The following MEIS1 variants were observed in gnomAD, a reference collection of about 807,000 sequenced individuals.
The protein encoded by MEIS1 is homeobox protein Meis1.
A neutral mutation model predicts 50.8 loss-of-function variants in MEIS1; 5 were observed. The ratio of observed to expected loss-of-function variants is 0.10; its 90% CI spans 0.05 to 0.21. The LOEUF (loss-of-function observed/expected upper bound fraction) is 0.21, where lower values mean the gene tolerates loss of function less well. MEIS1 is among the 10% of genes least tolerant of loss of function. MEIS1 has a pLI of 1.00. For synonymous variants in MEIS1, 176 were observed against 179.3 expected (o/e 0.98, Z 0.15); for missense variants, 318 against 517.3 (o/e 0.61, Z 3.74).
chr2:66,472,144 A>T (rs1672776224), intron 7 of MEIS1, among the ~76,000 whole-genome samples: 2 of 152,222 alleles, frequency 1.3e-5, no homozygotes, highest in South Asian at 2.1e-4. Context: ...TTCCAGGGCC[A>T]CCACACACAG....
At chr2:66,486,516 T>C (rs1480763830) in intron 7 of MEIS1, among the ~76,000 whole-genome samples, 3 of 152,238 alleles carry the variant, frequency 2.0e-5, no homozygotes, top group African/African-American at 7.2e-5. Context: ...TAGCATAGTT[T>C]GAAGTCAGGT....
intron 9 of MEIS1, among the ~76,000 whole-genome samples, chr2:66,552,583 T>C (rs1674947642): frequency 6.6e-6 from 1 of 152,224 alleles, no homozygotes; most frequent in African/African-American, 2.4e-5. Context: ...CATTTATTGC[T>C]TTCAAAGCTG....
chr2:66,568,686 T>C lies in MEIS1; in HGVS notation c.1044T>C (p.Tyr348=), dbSNP rs186035658. The stretch of plus-strand genomic sequence containing the variant: ...TTGTAGTAAGTCAAGGAACACCTTA[T>C]AATCCTGATGGACAGCCCATGGGAG... ...SNRAVSQGTP[Y]NPDGQPMGGF... Residue 348 remains tyrosine, a synonymous_variant, in exon 11 of 13, where the codon TAT becomes TAC. Transcript: ENST00000272369. 17 of 1,613,772 alleles carry C rather than the reference T, an allele frequency of 1.1e-5. 1 individual carries two copies. In the African/African-American group the frequency reaches 1.3e-4, roughly 13 times the overall value.
intron 7 of MEIS1, 107 bp downstream of exon 7, chr2:66,464,327 C>A (rs1672587134): frequency 2.3e-6 from 2 of 857,690 alleles, no homozygotes; most frequent in Non-Finnish European, 3.8e-6. Flanking sequence ...AGAAGATAAA[C>A]CCCCTTTAAC....
At chr2:66,522,767 T>C (rs1294723457) in intron 8 of MEIS1, among the ~76,000 whole-genome samples, 1 of 152,080 alleles carries the variant, frequency 6.6e-6, no homozygotes, top group Non-Finnish European at 1.5e-5. Context: ...GAGAAAAAAA[T>C]AGATTATTAC....
intron 8 of MEIS1, among the ~76,000 whole-genome samples, chr2:66,543,002 CT>C (rs1197283365): frequency 1.3e-5 from 2 of 152,174 alleles, no homozygotes; most frequent in African/African-American, 2.4e-5. Context: ...AATAAACACA[CT>C]TTCTTTCAAT....
intron 1 of MEIS1, chr2:66,437,069 A>G (rs1050414584): frequency 3.7e-6 from 2 of 533,842 alleles, no homozygotes; most frequent in Admixed American, 6.4e-5. Flanking sequence ...GAATTGCCCA[A>G]TTCTAAATTC....
At chr2:66,570,632 A>G (rs1243399054) in intron 12 of MEIS1, 1 of 152,276 alleles carries the variant, frequency 6.6e-6, no homozygotes, top group African/African-American at 2.4e-5. Context: ...GTCAGTTTCC[A>G]TCAACTATAG....
chr2:66,484,563 A>G (rs563545223), intron 7 of MEIS1, among the ~76,000 whole-genome samples: 2 of 151,100 alleles, frequency 1.3e-5, no homozygotes, highest in East Asian at 2.0e-4. Context: ...TCTTTTATTT[A>G]TTTATTTTTT....
chr2:66,520,488 A>C (rs1052286105), intron 8 of MEIS1, among the ~76,000 whole-genome samples: 4 of 152,026 alleles, frequency 2.6e-5, no homozygotes, highest in Admixed American at 2.6e-4. Context: ...CTCAAAAAAA[A>C]AAAGAAAAGC....
chr2:66,528,284 C>T lies in MEIS1; in HGVS notation c.888+15990C>T, dbSNP rs575182358. Among the ~76,000 whole-genome samples the T allele has an allele frequency of 4.4e-4, 67 of 152,182 alleles. 1 individual carries two copies. The South Asian group carries it at 8.3e-3, about 19-fold the overall frequency. On this transcript the variant is annotated intron_variant, in intron 8 of 12. Coordinates refer to ENST00000272369, the MANE Select transcript of MEIS1 (RefSeq NM_002398.3). The stretch of plus-strand genomic sequence containing the variant: ...GAGGAAAAACCTAGAGAAGGAGAGA[C>T]GAACAGACAGACAGGTCTCTGTCAA...
intron 6 of MEIS1, among the ~76,000 whole-genome samples, chr2:66,447,506 C>T (rs1184746318): frequency 6.6e-5 from 10 of 152,194 alleles, no homozygotes; most frequent in Non-Finnish European, 1.5e-4. Flanking sequence ...AAGGTGTTGA[C>T]TGCTTGTCAC....
At chr2:66,497,100 G>A (rs950391811) in intron 7 of MEIS1, among the ~76,000 whole-genome samples, 1 of 152,176 alleles carries the variant, frequency 6.6e-6, no homozygotes, top group Non-Finnish European at 1.5e-5. Flanking sequence ...TGTGCTGGCT[G>A]TGGAGAGCAT....
intron 10 of MEIS1, 137 bp downstream of exon 10, chr2:66,567,648 T>TC (rs1675383287): frequency 2.6e-6 from 2 of 779,136 alleles, no homozygotes; most frequent in Admixed American, 4.0e-5. Context: ...TAAACCAGTT[T>TC]CGTTTCATAA....
chr2:66,545,196 T>C (rs1674760673), intron 8 of MEIS1, among the ~76,000 whole-genome samples: 1 of 152,200 alleles, frequency 6.6e-6, no homozygotes, highest in Non-Finnish European at 1.5e-5. Context: ...CTGACTATAC[T>C]AAAGAAGGAC....
intron 9 of MEIS1, among the ~76,000 whole-genome samples, chr2:66,562,641 T>G (rs549827138): frequency 6.6e-6 from 1 of 152,018 alleles, no homozygotes; most frequent in Non-Finnish European, 1.5e-5. Context: ...AACAAACAAC[T>G]AAGTAAAAAA....
chr2:66,528,908 A>G (rs1479801375), intron 8 of MEIS1, among the ~76,000 whole-genome samples: 2 of 152,030 alleles, frequency 1.3e-5, no homozygotes, highest in Non-Finnish European at 2.9e-5. Flanking sequence ...CCATTTTCAT[A>G]CAGGCTCCCC....
intron 7 of MEIS1, among the ~76,000 whole-genome samples, chr2:66,483,972 G>A (rs1673079210): frequency 6.6e-6 from 1 of 152,124 alleles, no homozygotes; most frequent in South Asian, 2.1e-4. Context: ...GGGTAGTCTG[G>A]CCTTTGAATT....
At chr2:66,437,531 C>T (rs528583729) in intron 1 of MEIS1, 1 of 599,126 alleles carries the variant, frequency 1.7e-6, no homozygotes, top group South Asian at 2.1e-5. Context: ...TCATTCATCC[C>T]AGACGAGTCT....
Sources: allele counts gnomAD v4.1 joint callset (sites outside exome capture counted in the v4.1 genomes callset), GRCh38; gene constraint gnomAD v4.1.1; transcripts MANE v1.5; gene names NCBI Gene and HGNC (gene_info 2026-07-23, HGNC 2026-07-21).